ABAT: variants seen among roughly 807,000 people sequenced by gnomAD.
The protein encoded by ABAT is 4-aminobutyrate aminotransferase, also known as 4-aminobutyrate aminotransferase, mitochondrial.
In ABAT, 45 loss-of-function variants were observed where a neutral mutation model predicts 64.6. The ratio of observed to expected loss-of-function variants is 0.70; its 90% CI spans 0.55 to 0.89. The LOEUF (loss-of-function observed/expected upper bound fraction) is 0.89, where lower values mean the gene tolerates loss of function less well. Among genes scored for constraint, ABAT ranks in the 40% least tolerant of loss-of-function variants. The pLI is 0.00. For synonymous variants in ABAT, 297 were observed against 250.5 expected (o/e 1.19, Z -1.75); for missense variants, 633 against 658.4 (o/e 0.96, Z 0.42).
Position 8,738,633 on chromosome 16 carries a change from T to TG in ABAT, c.70+2824_70+2825insG, listed in dbSNP as rs879406987. Among the ~76,000 whole-genome samples the TG allele has an allele frequency of 3.1e-3, 467 of 149,316 alleles. 6 individuals carry two copies. Among genetic ancestry groups the TG allele is most frequent in the Middle Eastern group, 6.8e-3 (2 of 294 alleles). ...TTGTTTTTGTTTTTGTTTTTGTTTT[T>TG]TTTTTGGTGTGTGTGTATGTGTGTC... On this transcript the variant is annotated intron_variant, in intron 2 of 15. Coordinates refer to ENST00000268251, the MANE Select transcript of ABAT (RefSeq NM_020686.6).
chr16:8,745,638 C>T (rs2142612423), intron 2 of ABAT, among the ~76,000 whole-genome samples: 1 of 152,018 alleles, frequency 6.6e-6, no homozygotes, highest in African/African-American at 2.4e-5. Context: ...GTCAGGGGTG[C>T]AGTGAGCCTT....
At chr16:8,711,768 A>ATGAG (rs2058079678) in intron 1 of ABAT, among the ~76,000 whole-genome samples, 1 of 129,762 alleles carries the variant, frequency 7.7e-6, no homozygotes, top group Non-Finnish European at 1.7e-5. Flanking sequence ...GGGAAGATGG[A>ATGAG]TGGATGGATG....
At chr16:8,723,480 C>G (rs1238811644) in intron 1 of ABAT, among the ~76,000 whole-genome samples, 4 of 152,180 alleles carry the variant, frequency 2.6e-5, no homozygotes, top group African/African-American at 9.6e-5. Context: ...CAGGGAAAGT[C>G]TGCCTATCTG....
intron 1 of ABAT, among the ~76,000 whole-genome samples, chr16:8,678,103 A>G (rs2057246899): frequency 6.6e-6 from 1 of 152,218 alleles, no homozygotes; most frequent in African/African-American, 2.4e-5. Context: ...TCTTTCTTGC[A>G]CAAGCTCCTC....
intron 5 of ABAT, among the ~76,000 whole-genome samples, chr16:8,752,744 G>A (rs1189543037): frequency 6.6e-6 from 1 of 152,106 alleles, no homozygotes; most frequent in Non-Finnish European, 1.5e-5. Flanking sequence ...TCCAGCCTGA[G>A]GCAACAGTGC....
chr16:8,705,486 G>A (rs1043775329), intron 1 of ABAT: 6 of 152,102 alleles, frequency 3.9e-5, no homozygotes, highest in African/African-American at 1.4e-4. Flanking sequence ...CGGAAAGCCT[G>A]CTAGACAAAT....
At chr16:8,772,031 C>A (rs1343115272) in intron 11 of ABAT, among the ~76,000 whole-genome samples, 1 of 152,176 alleles carries the variant, frequency 6.6e-6, no homozygotes, top group Non-Finnish European at 1.5e-5. Context: ...ACCCAAAGTG[C>A]TGGGATTGCA....
At position 8,735,688 on chromosome 16, in the gene ABAT, G is replaced by T; in HGVS notation, c.-41-11G>T. The stretch of plus-strand genomic sequence containing the variant: ...TCATGGGCCTAAGTCTGCATTTCTG[G>T]TTTCTTTCAGGGTGGCAGCACGCAA... On this transcript the variant is annotated splice_polypyrimidine_tract_variant and intron_variant, in intron 1 of 15. Transcript: ENST00000268251. The T allele has an allele frequency of 6.4e-7, 1 of 1,555,978 alleles. No homozygotes were observed.
At chr16:8,685,272 A>T (rs2057427344) in intron 1 of ABAT, among the ~76,000 whole-genome samples, 1 of 150,736 alleles carries the variant, frequency 6.6e-6, no homozygotes, top group Non-Finnish European at 1.5e-5. Context: ...AGCAATGGAG[A>T]CCCTGTCTCA....
intron 11 of ABAT, among the ~76,000 whole-genome samples, chr16:8,772,532 C>A (rs568845826): frequency 6.6e-6 from 1 of 152,354 alleles, no homozygotes; most frequent in South Asian, 2.1e-4. Flanking sequence ...GAAAGTGAGG[C>A]TTCTGAAGCT....
intron 1 of ABAT, among the ~76,000 whole-genome samples, chr16:8,698,640 C>A (rs1194869135): frequency 1.3e-5 from 2 of 151,380 alleles, no homozygotes; most frequent in African/African-American, 2.4e-5. Flanking sequence ...GGCCTTCTGG[C>A]TTTTATGAAT....
At chr16:8,780,880 C>T (rs1283873754) in intron 15 of ABAT, 4 of 426,272 alleles carry the variant, frequency 9.4e-6, no homozygotes, top group Non-Finnish European at 1.3e-5. Context: ...TAGCTCAGCA[C>T]CTCACACATG....
chr16:8,724,731 G>GAAAAA (rs1567286719), intron 1 of ABAT, among the ~76,000 whole-genome samples: 7 of 73,192 alleles, frequency 9.6e-5, no homozygotes, highest in African/African-American at 2.6e-4. Context: ...CTTGTCTCAG[G>GAAAAA]AAAAAAAAAA....
At chr16:8,741,004 T>C (rs1410474786) in intron 2 of ABAT, among the ~76,000 whole-genome samples, 2 of 152,252 alleles carry the variant, frequency 1.3e-5, no homozygotes, top group African/African-American at 4.8e-5. Flanking sequence ...CGTTTATCAC[T>C]CTCGGTCTAA....
intron 1 of ABAT, among the ~76,000 whole-genome samples, chr16:8,684,230 C>T (rs1641113): frequency 6.6e-6 from 1 of 151,890 alleles, no homozygotes; most frequent in African/African-American, 2.4e-5. Flanking sequence ...GCATCATGAA[C>T]AGGCCCAGAG....
chr16:8,780,027 G>T (rs1196069523), intron 15 of ABAT, among the ~76,000 whole-genome samples: 1 of 152,204 alleles, frequency 6.6e-6, no homozygotes, highest in Admixed American at 6.5e-5. Flanking sequence ...GCTCCCTTGA[G>T]GAAGTAGCAT....
chr16:8,761,076 T>TAAAACAAAAC (rs113962100), intron 6 of ABAT, among the ~76,000 whole-genome samples: 40 of 151,486 alleles, frequency 2.6e-4, no homozygotes, highest in Admixed American at 6.6e-4. Flanking sequence ...ACCTTGCCTC[T>TAAAACAAAAC]GAAACAAAAC....
rs558151768 is a variant in ABAT at position 8,761,732 on chromosome 16, C to T, written c.367-2337C>T. ...CCACTGGCTGACATCTTGGGTCTTC[C>T]GCATTTTTGGCTGGAGATGCACTCA... is the stretch of plus-strand genomic sequence containing the variant. On this transcript the variant is annotated intron_variant, in intron 6 of 15. Transcript: ENST00000268251. Among the ~76,000 whole-genome samples, 114 of 152,248 alleles carry T rather than the reference C, an allele frequency of 7.5e-4. 1 individual carries two copies. The highest frequency in any genetic ancestry group is 2.6e-3 in the African/African-American group (108 of 41,542).
At position 8,783,078 on chromosome 16, in the gene ABAT, C is replaced by T. The variant is rs183985500; in HGVS notation, c.*1648C>T. 4 of 152,250 alleles carry T rather than the reference C, an allele frequency of 2.6e-5. No homozygotes were observed. Among genetic ancestry groups the T allele is most frequent in the Non-Finnish European group, 5.9e-5 (4 of 68,030 alleles). 9.4% of individuals were successfully genotyped at this position (152,250 alleles called of 1,614,324 possible). A position where few individuals can be genotyped will look rare whatever the true frequency, so the allele number is the denominator to read the frequency against. ...ATTCCTGCAGTCAGTGCTAATCCGT[C>T]GTTCTTAATCAGGAGTTCTGCCAGG... On this transcript the variant is annotated 3_prime_UTR_variant, in exon 16 of 16. Coordinates refer to ENST00000268251, the MANE Select transcript of ABAT (RefSeq NM_020686.6).
Sources: gnomAD v4.1 joint callset for allele counts (sites outside exome capture counted in the v4.1 genomes callset) on GRCh38, gnomAD v4.1.1 for gene constraint, MANE v1.5 for transcripts, NCBI Gene and HGNC (gene_info 2026-07-23, HGNC 2026-07-21) for gene names.